Variants in KCTD8 observed in about 807,000 individuals in gnomAD.
KCTD8 encodes the protein BTB/POZ domain-containing protein KCTD8.
Under a neutral mutation model 31.5 loss-of-function variants are expected in KCTD8, and 27 were observed. That is an observed-to-expected ratio of 0.86 (90% confidence interval 0.63 to 1.18). The LOEUF (loss-of-function observed/expected upper bound fraction) is 1.18. Among genes scored for constraint, KCTD8 ranks in the 50% most tolerant of loss-of-function variants. The pLI, the probability that KCTD8 is intolerant of heterozygous loss-of-function variation, is 0.00. For missense variants in KCTD8, 658 were observed against 647.7 expected (o/e 1.02, Z -0.17); for synonymous variants, 290 against 280.0 (o/e 1.04, Z -0.36).
chr4:44,400,970 A>C (rs1221291227), intron 1 of KCTD8, among the ~76,000 whole-genome samples: 1 of 150,024 alleles, frequency 6.7e-6, no homozygotes, highest in South Asian at 2.1e-4. Flanking sequence ...CCAAGTAGCT[A>C]GGACCACAGG....
At chr4:44,408,195 C>T (rs990108117) in intron 1 of KCTD8, among the ~76,000 whole-genome samples, 2 of 152,102 alleles carry the variant, frequency 1.3e-5, no homozygotes, top group African/African-American at 4.8e-5. Flanking sequence ...TAATTCTATA[C>T]CCAATGAAAG....
chr4:44,402,622 C>T (rs185120369), intron 1 of KCTD8, among the ~76,000 whole-genome samples: 7 of 151,932 alleles, frequency 4.6e-5, no homozygotes, highest in Admixed American at 4.6e-4. Flanking sequence ...CCTGGGGGGG[C>T]CCTAGAAATG....
chr4:44,439,900 TTTTATTTATTTA>T (rs59211244), intron 1 of KCTD8, among the ~76,000 whole-genome samples: 1,868 of 133,414 alleles, frequency 0.014, 28 homozygotes, highest in Middle Eastern at 0.089. Flanking sequence ...AATCATTTAT[TTTTATTTATTTA>T]TTTATTTATT....
intron 1 of KCTD8, among the ~76,000 whole-genome samples, chr4:44,272,445 C>T (rs556461960): frequency 7.8e-4 from 119 of 152,030 alleles, no homozygotes; most frequent in African/African-American, 2.7e-3. Flanking sequence ...CATTATGAGG[C>T]ACTTTATGAA....
At chr4:44,222,609 G>C (rs1259990085) in intron 1 of KCTD8, among the ~76,000 whole-genome samples, 1 of 152,190 alleles carries the variant, frequency 6.6e-6, no homozygotes, top group Non-Finnish European at 1.5e-5. Context: ...TCATCTTTCA[G>C]AGAGTAAAAA....
intron 1 of KCTD8, among the ~76,000 whole-genome samples, chr4:44,216,713 C>T (rs114035255): frequency 1.5e-4 from 23 of 152,188 alleles, no homozygotes; most frequent in Non-Finnish European, 2.9e-4. Flanking sequence ...AATTCATGAA[C>T]AGGACTTAAA....
chr4:44,288,391 C>T (rs1228120678), intron 1 of KCTD8, among the ~76,000 whole-genome samples: 1 of 152,002 alleles, frequency 6.6e-6, no homozygotes, highest in Non-Finnish European at 1.5e-5. Flanking sequence ...TGAAATCTAG[C>T]TAACCAAGAG....
chr4:44,432,983 T>C (rs907188488), intron 1 of KCTD8, among the ~76,000 whole-genome samples: 1 of 151,616 alleles, frequency 6.6e-6, no homozygotes, highest in African/African-American at 2.4e-5. Flanking sequence ...CTTGTCAATA[T>C]CATTTCCAGG....
At chr4:44,219,831 C>T (rs1397083351) in intron 1 of KCTD8, among the ~76,000 whole-genome samples, 3 of 152,076 alleles carry the variant, frequency 2.0e-5, no homozygotes, top group African/African-American at 7.2e-5. Flanking sequence ...AACATTTATT[C>T]TAACTGTTCC....
At chr4:44,277,284 C>T (rs1231212954) in intron 1 of KCTD8, among the ~76,000 whole-genome samples, 1 of 151,728 alleles carries the variant, frequency 6.6e-6, no homozygotes, top group Non-Finnish European at 1.5e-5. Flanking sequence ...ATGAATATCT[C>T]AAGCTTTGAT....
chr4:44,222,620 C>CA (rs1471521023), intron 1 of KCTD8, among the ~76,000 whole-genome samples: 1 of 152,162 alleles, frequency 6.6e-6, no homozygotes, highest in African/African-American at 2.4e-5. Flanking sequence ...AGAGTAAAAA[C>CA]AATGTGGCTG....
chr4:44,317,985 C>T (rs1032779137), intron 1 of KCTD8, among the ~76,000 whole-genome samples: 1 of 152,174 alleles, frequency 6.6e-6, no homozygotes, highest in Non-Finnish European at 1.5e-5. Flanking sequence ...AAGGCATTTA[C>T]TTCATAAATT....
rs1389317293 is a variant in KCTD8 at position 44,203,392 on chromosome 4, A to C, written c.962-28142T>G. On this transcript the variant is annotated intron_variant, in intron 1 of 1. Transcript: ENST00000360029. ...GAGGCAGGCGCTTGTAATCCCAGCT[A>C]CCTGGGAGAACTGCTTGAACCCAGG... Among the ~76,000 whole-genome samples, 4 of 151,482 alleles carry C rather than the reference A, an allele frequency of 2.6e-5. No homozygotes were observed. In the South Asian group the frequency reaches 8.3e-4, roughly 31 times the overall value.
chr4:44,340,043 G>A (rs550427905), intron 1 of KCTD8, among the ~76,000 whole-genome samples: 2 of 152,152 alleles, frequency 1.3e-5, no homozygotes, highest in African/African-American at 2.4e-5. Flanking sequence ...AATGTCATTA[G>A]TCACCAGGGA....
At chr4:44,385,409 T>C (rs1720184954) in intron 1 of KCTD8, among the ~76,000 whole-genome samples, 1 of 151,672 alleles carries the variant, frequency 6.6e-6, no homozygotes, top group African/African-American at 2.4e-5. Flanking sequence ...ACTTATACGG[T>C]AAAATGATTT....
At chr4:44,246,921 T>C (rs1389147881) in intron 1 of KCTD8, among the ~76,000 whole-genome samples, 1 of 152,058 alleles carries the variant, frequency 6.6e-6, no homozygotes, top group Non-Finnish European at 1.5e-5. Context: ...CTGGATCTTC[T>C]TGCTCTGCCT....
intron 1 of KCTD8, among the ~76,000 whole-genome samples, chr4:44,330,264 G>T (rs1220386529): frequency 6.6e-6 from 1 of 151,812 alleles, no homozygotes; most frequent in Admixed American, 6.6e-5. Context: ...CGCACTTAAT[G>T]AAAATTATAC....
chr4:44,271,886 A>G (rs1206741237), intron 1 of KCTD8, among the ~76,000 whole-genome samples: 4 of 152,064 alleles, frequency 2.6e-5, no homozygotes, highest in African/African-American at 9.6e-5. Context: ...GAGTCCCCTG[A>G]TTTCCCACTC....
chr4:44,314,807 T>C (rs1732722835), intron 1 of KCTD8, among the ~76,000 whole-genome samples: 1 of 151,408 alleles, frequency 6.6e-6, no homozygotes, highest in Non-Finnish European at 1.5e-5. Context: ...TTCCATTGTA[T>C]GAATATAGCA....
Sources: allele counts gnomAD v4.1 joint callset (sites outside exome capture counted in the v4.1 genomes callset), GRCh38; gene constraint gnomAD v4.1.1; transcripts MANE v1.5; gene names NCBI Gene and HGNC (gene_info 2026-07-23, HGNC 2026-07-21).